The following PCCA variants were observed in gnomAD, a reference collection of about 807,000 sequenced individuals.
PCCA encodes the protein propionyl-CoA carboxylase alpha chain, mitochondrial.
Under a neutral mutation model 101.3 loss-of-function variants are expected in PCCA, and 74 were observed. The observed-to-expected ratio is 0.73, with a 90% CI of 0.61 to 0.89. The LOEUF (loss-of-function observed/expected upper bound fraction) is 0.89. Ranked by LOEUF, PCCA falls within the 40% of genes least tolerant of loss-of-function variation. PCCA has a pLI of 0.00. For synonymous variants in PCCA, 294 were observed against 313.6 expected (o/e 0.94, Z 0.66); for missense variants, 891 against 907.0 (o/e 0.98, Z 0.23).
At chr13:100,150,688 A>G in intron 4 of PCCA, 1 of 1,505,422 alleles carries the variant, frequency 6.6e-7, no homozygotes, top group Non-Finnish European at 9.1e-7. Flanking sequence ...TATGGAATGG[A>G]TCAGTGAGGA....
At chr13:100,495,716 A>G (rs1178480993) in intron 21 of PCCA, among the ~76,000 whole-genome samples, 1 of 152,186 alleles carries the variant, frequency 6.6e-6, no homozygotes, top group African/African-American at 2.4e-5. Flanking sequence ...TTTCAAAGTA[A>G]TTACTGCAGA....
chr13:100,492,708 C>T (rs2084992909), intron 21 of PCCA, among the ~76,000 whole-genome samples: 1 of 150,782 alleles, frequency 6.6e-6, no homozygotes, highest in South Asian at 2.1e-4. Flanking sequence ...CTCCTGTATC[C>T]ATATAAACCC....
At chr13:100,131,844 GA>G (rs1283765831) in intron 4 of PCCA, among the ~76,000 whole-genome samples, 1 of 152,238 alleles carries the variant, frequency 6.6e-6, no homozygotes, top group Admixed American at 6.5e-5. Flanking sequence ...TTCAGTGGAA[GA>G]AGCAGACATT....
At position 100,212,563 on chromosome 13, in the gene PCCA, C is replaced by T. The variant is rs1039397876; in HGVS notation, c.600+3100C>T. ...AGCTTTCTAATCCATTTACTTCTTT[C>T]TTTGCCCGTACTAACCAACCCCAGA... On this transcript the variant is annotated intron_variant, in intron 7 of 23. Coordinates refer to ENST00000376285, the MANE Select transcript of PCCA (RefSeq NM_000282.4). Among the ~76,000 whole-genome samples, 3 of 152,166 alleles carry T rather than the reference C, an allele frequency of 2.0e-5. No individual in the cohort carries two copies. The South Asian group carries it at 6.2e-4, about 32-fold the overall frequency.
chr13:100,526,894 G>A (rs187968893), intron 22 of PCCA, among the ~76,000 whole-genome samples: 4 of 152,262 alleles, frequency 2.6e-5, no homozygotes, highest in Non-Finnish European at 4.4e-5. Flanking sequence ...GCAAAGGCCC[G>A]TGGGCGCTCC....
intron 6 of PCCA, among the ~76,000 whole-genome samples, chr13:100,167,311 G>C (rs1290880684): frequency 6.6e-6 from 1 of 152,126 alleles, no homozygotes; most frequent in African/African-American, 2.4e-5. Context: ...CACTTTGGGA[G>C]ACTGAGGTAG....
chr13:100,311,225 T>TC (rs1312180482), intron 16 of PCCA, among the ~76,000 whole-genome samples: 5 of 145,738 alleles, frequency 3.4e-5, no homozygotes, highest in Non-Finnish European at 7.5e-5. Flanking sequence ...AGAGTGAGAG[T>TC]CCGTCTCAAT....
At chr13:100,298,660 CTCCCTCCCTCCCTCCTTCCTTCCTTCCT>C (rs1566890976) in intron 12 of PCCA, among the ~76,000 whole-genome samples, 140 of 5,096 alleles carry the variant, frequency 0.027, 25 homozygotes, top group African/African-American at 0.05. Flanking sequence ...CCCTCCCTCC[CTCCCTCCCTCCCTCCTTCCTTCCTTCCT>C]TCCTTCCTTC....
chr13:100,175,617 T>C (rs1271018810), intron 6 of PCCA, among the ~76,000 whole-genome samples: 1 of 152,216 alleles, frequency 6.6e-6, no homozygotes, highest in Admixed American at 6.5e-5. Context: ...CACATGTCAG[T>C]AATTTACATT....
At chr13:100,091,595 T>A (rs1259252870) in intron 1 of PCCA, among the ~76,000 whole-genome samples, 1 of 152,172 alleles carries the variant, frequency 6.6e-6, no homozygotes, top group Non-Finnish European at 1.5e-5. Flanking sequence ...TGAAGCTGAA[T>A]CTTTTGAAGA....
chr13:100,138,985 C>T (rs2051532580), intron 4 of PCCA, among the ~76,000 whole-genome samples: 1 of 150,480 alleles, frequency 6.6e-6, no homozygotes, highest in African/African-American at 2.4e-5. Flanking sequence ...TTTATTTCGC[C>T]TTCATTCTTA....
At chr13:100,153,728 A>C (rs957418494) in intron 4 of PCCA, among the ~76,000 whole-genome samples, 1 of 152,158 alleles carries the variant, frequency 6.6e-6, no homozygotes, top group Admixed American at 6.5e-5. Context: ...GGATATTTAG[A>C]AGCCCTTTGC....
chr13:100,403,101 G>A (rs564633956), intron 19 of PCCA, among the ~76,000 whole-genome samples: 15 of 151,894 alleles, frequency 9.9e-5, no homozygotes, highest in African/African-American at 2.4e-4. Context: ...CTGGTCTATC[G>A]AAGTGAATAC....
intron 19 of PCCA, among the ~76,000 whole-genome samples, chr13:100,393,991 CAA>C (rs1567058723): frequency 6.6e-6 from 1 of 152,172 alleles, no homozygotes; most frequent in Non-Finnish European, 1.5e-5. Flanking sequence ...TGAAATAGTG[CAA>C]ACTCTTAACA....
At chr13:100,317,427 A>G (rs1223254516) in intron 16 of PCCA, among the ~76,000 whole-genome samples, 4 of 152,100 alleles carry the variant, frequency 2.6e-5, no homozygotes, top group African/African-American at 9.7e-5. Context: ...TGCTTTTCTG[A>G]ACCTTAATCA....
chr13:100,277,680 C>A (rs908665849), intron 12 of PCCA, among the ~76,000 whole-genome samples: 2 of 152,172 alleles, frequency 1.3e-5, no homozygotes, highest in Non-Finnish European at 2.9e-5. Flanking sequence ...ATTTGCACAT[C>A]CAGAACCTCA....
chr13:100,191,379 C>T (rs551600465), intron 6 of PCCA, among the ~76,000 whole-genome samples: 27 of 152,252 alleles, frequency 1.8e-4, no homozygotes, highest in African/African-American at 5.8e-4. Flanking sequence ...CCTCAGCAGC[C>T]AATAGTGGTG....
chr13:100,103,797 G>C (rs981537464), intron 2 of PCCA, among the ~76,000 whole-genome samples: 1 of 150,936 alleles, frequency 6.6e-6, no homozygotes, highest in African/African-American at 2.4e-5. Flanking sequence ...CACCACGCCC[G>C]TCTAATTTTT....
In PCCA at chr13:100,477,621, A is replaced by C. The variant is rs548667693; in HGVS notation, c.1899+28316A>C. Among the ~76,000 whole-genome samples the C allele has an allele frequency of 1.6e-3, 241 of 152,306 alleles. 1 individual carries two copies. Among genetic ancestry groups the C allele is most frequent in the Non-Finnish European group, 3.1e-3 (208 of 68,030 alleles). ...TAATTGTTTAAATCATCCAGAGAGT[A>C]CTGTAGCAAGGATTGTTCCTAAAAA... On this transcript the variant is annotated intron_variant, in intron 21 of 23. Coordinates refer to ENST00000376285, the MANE Select transcript of PCCA (RefSeq NM_000282.4).
Sources: allele counts gnomAD v4.1 joint callset (sites outside exome capture counted in the v4.1 genomes callset), GRCh38; gene constraint gnomAD v4.1.1; transcripts MANE v1.5; gene names NCBI Gene and HGNC (gene_info 2026-07-23, HGNC 2026-07-21).